The following BCL2L14 variants were observed in gnomAD, a reference collection of about 807,000 sequenced individuals.
BCL2L14 encodes apoptosis facilitator Bcl-2-like protein 14.
BCL2L14 carries 27 observed loss-of-function variants against 35.3 expected under a neutral mutation model. The ratio of observed to expected loss-of-function variants is 0.76; its 90% CI spans 0.56 to 1.05. BCL2L14 has a LOEUF of 1.05. Ranked by LOEUF, BCL2L14 falls within the 50% of genes least tolerant of loss-of-function variation. The pLI, the probability that BCL2L14 is intolerant of heterozygous loss-of-function variation, is 0.00. For synonymous variants in BCL2L14, 139 were observed against 145.9 expected, an observed-to-expected ratio of 0.95 and a Z score of 0.34; for missense variants, 377 against 382.6, an observed-to-expected ratio of 0.99 and a Z score of 0.12.
At chr12:12,070,724 AG>A (rs1322838641), upstream of BCL2L14, among the ~76,000 whole-genome samples, 1 of 152,158 alleles carries the variant, frequency 6.6e-6, no homozygotes, top group African/African-American at 2.4e-5. Context: ...GTACCATGTT[AG>A]GCGGTCAGTA....
chr12:12,055,615 T>G (rs1948419761), intron 2 of BCL2L14: 1 of 152,204 alleles, frequency 6.6e-6, no homozygotes. Flanking sequence ...AAAACACACC[T>G]GTGCACTCTC....
chr12:12,063,145 C>T (rs1466109017), intron 2 of BCL2L14, among the ~76,000 whole-genome samples: 1 of 150,870 alleles, frequency 6.6e-6, no homozygotes, highest in Non-Finnish European at 1.5e-5. Context: ...TCTAGTCATA[C>T]TCCTATTCAC....
In BCL2L14 at chr12:12,092,898, C is replaced by T. The variant is rs1210916264; in HGVS notation, c.679-1766C>T. Among the ~76,000 whole-genome samples the T allele has an allele frequency of 3.3e-5, 5 of 152,304 alleles. No individual in the cohort carries two copies. The South Asian group carries it at 6.2e-4, about 19-fold the overall frequency. ...AGAAACAATATTTGTTGAAAACCCG[C>T]TTGGCTTATCATTCCTCTAGGACAG... On this transcript the variant is annotated intron_variant, in intron 4 of 5. Transcript: ENST00000308721.
intron 3 of BCL2L14, 48 bp downstream of exon 3, chr12:12,087,434 G>A (rs1163281203): frequency 2.5e-6 from 4 of 1,590,142 alleles, no homozygotes; most frequent in South Asian, 2.2e-5. Context: ...AGGGGCGCAG[G>A]AGCATTTGTG....
chr12:12,080,367 T>C (rs1210267470), intron 2 of BCL2L14, among the ~76,000 whole-genome samples: 1 of 152,116 alleles, frequency 6.6e-6, no homozygotes, highest in African/African-American at 2.4e-5. Context: ...ATGCCTGTAA[T>C]TCCAGCACTT....
chr12:12,090,774 G>A lies in BCL2L14; in HGVS notation c.608-5G>A, dbSNP rs373005346. The A allele has an allele frequency of 7.2e-5, 115 of 1,607,922 alleles. No individual in the cohort carries two copies. The highest frequency in any genetic ancestry group is 2.9e-4 in the South Asian group (26 of 89,394). ...AAAAGAAATAACTGGAATTTTCCCCGACAGATGAAGAAGAACAAATACTAG... is the reference window on the plus strand; with the variant it reads ...AAAAGAAATAACTGGAATTTTCCCCAACAGATGAAGAAGAACAAATACTAG... On this transcript the variant is annotated splice_polypyrimidine_tract_variant and splice_region_variant and intron_variant, in intron 3 of 5. Transcript: ENST00000308721.
intron 2 of BCL2L14, among the ~76,000 whole-genome samples, chr12:12,053,381 T>C (rs1408354799): frequency 6.6e-6 from 1 of 151,422 alleles, no homozygotes; most frequent in East Asian, 1.9e-4. Context: ...ACACAATCTA[T>C]ACCAGGACAA....
intron 2 of BCL2L14, among the ~76,000 whole-genome samples, chr12:12,061,291 C>T (rs1472933136): frequency 2.0e-5 from 3 of 151,684 alleles, no homozygotes; most frequent in Non-Finnish European, 4.4e-5. Context: ...GTATAAGATA[C>T]CTCTACTCCC....
At position 12,085,054 on chromosome 12, in the gene BCL2L14, A is replaced by G. The variant is rs566928900; in HGVS notation, c.434-2159A>G. Among the ~76,000 whole-genome samples, 3 of 145,920 alleles carry G rather than the reference A, an allele frequency of 2.1e-5. No individual in the cohort carries two copies. In the South Asian group the frequency reaches 6.6e-4, roughly 32 times the overall value. ...AGCCGAGATCGTGCCATTGCACTCC[A>G]GCCTGGGCAACAGAGCGAGACTCCG... On this transcript the variant is annotated intron_variant, in intron 2 of 5. Transcript: ENST00000308721.
chr12:12,063,809 C>A (rs553844743), intron 2 of BCL2L14, among the ~76,000 whole-genome samples: 112 of 152,232 alleles, frequency 7.4e-4, no homozygotes, highest in African/African-American at 2.5e-3. Flanking sequence ...CCTGTTCCTG[C>A]CTTAACTGAT....
upstream of BCL2L14, among the ~76,000 whole-genome samples, chr12:12,066,797 G>A (rs1268751082): frequency 2.7e-5 from 4 of 149,714 alleles, no homozygotes; most frequent in South Asian, 4.2e-4. Flanking sequence ...TGCAAGCTCC[G>A]CCTCCCGGGT....
intron 5 of BCL2L14, chr12:12,095,617 C>T (rs920691742): frequency 5.1e-6 from 5 of 985,272 alleles, no homozygotes; most frequent in Non-Finnish European, 4.8e-6. Flanking sequence ...TAACTCTCAA[C>T]AGGCCTAGGC....
In BCL2L14 at chr12:12,075,698, T is replaced by TTGGGAGGCTAGGCTC. The variant is rs1322520353; in HGVS notation, c.-7-3601_-7-3600insTGGGAGGCTAGGCTC. On this transcript the variant is annotated intron_variant, in intron 1 of 5. Transcript: ENST00000308721. ...CCTTGGCCTCCCAAAGTGCTAGGAT[T>TTGGGAGGCTAGGCTC]ACAGGCGTGAGCCATCGTCCCCTGC... is the stretch of plus-strand genomic sequence containing the variant. Among the ~76,000 whole-genome samples, 12 of 152,328 alleles carry TTGGGAGGCTAGGCTC rather than the reference T, an allele frequency of 7.9e-5. No homozygotes were observed. In the East Asian group the frequency reaches 2.3e-3, roughly 29 times the overall value.
chr12:12,090,655 A>T (rs1011593485), intron 3 of BCL2L14, 124 bp from the exon 4 acceptor site: 23 of 627,184 alleles, frequency 3.7e-5, no homozygotes, highest in Non-Finnish European at 5.5e-5. Flanking sequence ...ATAAAAAAAA[A>T]AAAAAGAATT....
In BCL2L14 at chr12:12,094,949, A is replaced by G. The variant is rs748436670; in HGVS notation, c.945+19A>G. On this transcript the variant is annotated intron_variant, in intron 5 of 5. Transcript: ENST00000308721. ...TGGATGGGTAAGCGTATCCTATTTA[A>G]AAACAAATTTTCTCAGAACTCAGAA... 1.1e-5 allele frequency: 17 copies of G among 1,604,852 alleles called. No homozygotes were observed. The highest frequency in any genetic ancestry group is 1.4e-5 in the Non-Finnish European group (17 of 1,177,998).
chr12:12,069,906 T>G (rs1220848922), upstream of BCL2L14, among the ~76,000 whole-genome samples: 1 of 152,182 alleles, frequency 6.6e-6, no homozygotes, highest in Non-Finnish European at 1.5e-5. Flanking sequence ...TGCCTAATAT[T>G]TAAATGACCC....
intron 4 of BCL2L14, among the ~76,000 whole-genome samples, chr12:12,094,028 G>A (rs543388318): frequency 1.3e-5 from 2 of 150,358 alleles, no homozygotes; most frequent in African/African-American, 2.4e-5. Context: ...AATCACTTGA[G>A]CCCAGGAGGC....
chr12:12,091,375 G>T (rs552204298), intron 4 of BCL2L14, among the ~76,000 whole-genome samples: 1 of 152,230 alleles, frequency 6.6e-6, no homozygotes, highest in Non-Finnish European at 1.5e-5. Flanking sequence ...CCATTTGGAA[G>T]TTGAGACCCA....
At chr12:12,064,154 TG>T (rs1435391158) in intron 2 of BCL2L14, among the ~76,000 whole-genome samples, 1 of 152,124 alleles carries the variant, frequency 6.6e-6, no homozygotes. Context: ...GTGGCCTGTT[TG>T]TTTTTTGAGA....
Sources: gnomAD v4.1 joint callset for allele counts (sites outside exome capture counted in the v4.1 genomes callset) on GRCh38, gnomAD v4.1.1 for gene constraint, MANE v1.5 for transcripts, NCBI Gene and HGNC (gene_info 2026-07-23, HGNC 2026-07-21) for gene names.